Variants in NCAM2 observed in about 807,000 individuals in gnomAD.
NCAM2 encodes the protein neural cell adhesion molecule 2.
A neutral mutation model predicts 98.1 loss-of-function variants in NCAM2; 30 were observed. The ratio of observed to expected loss-of-function variants is 0.31; its 90% CI spans 0.23 to 0.41. The LOEUF is 0.41. NCAM2 is among the 10% of genes least tolerant of loss of function. The pLI, the probability that NCAM2 is intolerant of heterozygous loss-of-function variation, is 1.00. For synonymous variants in NCAM2, 368 were observed against 342.4 expected (o/e 1.07, Z -0.83); for missense variants, 867 against 1,005.8 (o/e 0.86, Z 1.87).
At chr21:21,026,315 C>T (rs2064543571) in intron 1 of NCAM2, among the ~76,000 whole-genome samples, 2 of 152,188 alleles carry the variant, frequency 1.3e-5, no homozygotes, top group South Asian at 4.1e-4. Context: ...AATGAAAAAT[C>T]TTCCAAGTCA....
At chr21:21,384,420 T>C (rs1353987552) in intron 9 of NCAM2, among the ~76,000 whole-genome samples, 1 of 151,896 alleles carries the variant, frequency 6.6e-6, no homozygotes, top group Non-Finnish European at 1.5e-5. Context: ...AGTTTCCTTT[T>C]TGATTAATCT....
intron 1 of NCAM2, among the ~76,000 whole-genome samples, chr21:21,149,749 A>G (rs8132876): frequency 0.97 from 147,686 of 152,214 alleles, 71,790 homozygotes; most frequent in East Asian, 1. Context: ...TGATCTCATT[A>G]TTTTTTATGG....
At chr21:21,120,733 T>TTC (rs2066655594) in intron 1 of NCAM2, among the ~76,000 whole-genome samples, 1 of 150,892 alleles carries the variant, frequency 6.6e-6, no homozygotes, top group South Asian at 2.1e-4. Flanking sequence ...TTTTTTTTTT[T>TTC]CTTTGAGATG....
intron 5 of NCAM2, among the ~76,000 whole-genome samples, chr21:21,321,475 A>G (rs1400355658): frequency 6.6e-6 from 1 of 152,126 alleles, no homozygotes; most frequent in East Asian, 1.9e-4. Context: ...ACTTAGCCAT[A>G]AATTCTTTGC....
rs138661379 is a variant in NCAM2 at position 21,250,057 on chromosome 21, T to A, written c.56-30521T>A. ...GCAGTAATAGGTTCGGATAGACTAA[T>A]CTGTGCCTAAGTGATAGCTAATATA... On this transcript the variant is annotated intron_variant, in intron 1 of 17. Transcript: ENST00000400546. 3.9e-5 allele frequency among the ~76,000 whole-genome samples: 6 copies of A among 152,344 alleles called. No homozygotes were observed. The East Asian group carries it at 1.2e-3, about 29-fold the overall frequency.
chr21:21,027,740 A>G (rs932981853), intron 1 of NCAM2, among the ~76,000 whole-genome samples: 3 of 152,184 alleles, frequency 2.0e-5, no homozygotes, highest in Non-Finnish European at 4.4e-5. Flanking sequence ...TTTTAATTAC[A>G]GAGCCCATTA....
chr21:21,495,487 T>C (rs1400122078), intron 15 of NCAM2, among the ~76,000 whole-genome samples: 2 of 152,052 alleles, frequency 1.3e-5, no homozygotes, highest in Non-Finnish European at 2.9e-5. Context: ...ATTGTGACGA[T>C]TCTGCTTCCC....
intron 1 of NCAM2, among the ~76,000 whole-genome samples, chr21:21,093,189 G>A (rs2066048743): frequency 6.6e-6 from 1 of 152,136 alleles, no homozygotes; most frequent in African/African-American, 2.4e-5. Context: ...CAGGAAGGCA[G>A]ACAGAGAGTC....
chr21:21,131,516 A>G (rs1974162), intron 1 of NCAM2, among the ~76,000 whole-genome samples: 147,494 of 152,184 alleles, frequency 0.97, 71,625 homozygotes, highest in East Asian at 1. Context: ...CAGGTGATCC[A>G]CCCGCCTTGG....
intron 1 of NCAM2, among the ~76,000 whole-genome samples, chr21:21,175,512 T>C (rs1163965328): frequency 1.3e-5 from 2 of 151,734 alleles, no homozygotes; most frequent in African/African-American, 4.8e-5. Context: ...CAGCCTGGGC[T>C]ACAGAGCGAG....
At chr21:21,490,481 A>G (rs1388318413) in intron 15 of NCAM2, among the ~76,000 whole-genome samples, 3 of 151,944 alleles carry the variant, frequency 2.0e-5, no homozygotes, top group African/African-American at 7.2e-5. Context: ...AGTCTTTATC[A>G]TTTCATTTTA....
chr21:21,511,653 T>G (rs1353074210), intron 16 of NCAM2, among the ~76,000 whole-genome samples: 1 of 151,980 alleles, frequency 6.6e-6, no homozygotes, highest in African/African-American at 2.4e-5. Context: ...TTTTTAGTTT[T>G]TTGAGGAAGC....
intron 1 of NCAM2, among the ~76,000 whole-genome samples, chr21:21,082,184 T>A (rs559460363): frequency 1.4e-5 from 2 of 140,392 alleles, no homozygotes; most frequent in Middle Eastern, 3.7e-3. Context: ...GCTGAGATTG[T>A]GCCAGTGCAC....
At chr21:21,158,800 AGAT>A (rs1233175520) in intron 1 of NCAM2, among the ~76,000 whole-genome samples, 4 of 152,188 alleles carry the variant, frequency 2.6e-5, no homozygotes, top group Non-Finnish European at 5.9e-5. Flanking sequence ...TAGTCTTTGA[AGAT>A]GATAATAAAT....
intron 1 of NCAM2, among the ~76,000 whole-genome samples, chr21:21,090,305 TA>T (rs1287621856): frequency 6.6e-6 from 1 of 152,224 alleles, no homozygotes; most frequent in Non-Finnish European, 1.5e-5. Flanking sequence ...AAACATTGTC[TA>T]ATTCAGCTTT....
At chr21:21,389,863 T>G (rs1347507910) in intron 9 of NCAM2, among the ~76,000 whole-genome samples, 1 of 152,188 alleles carries the variant, frequency 6.6e-6, no homozygotes, top group Admixed American at 6.5e-5. Context: ...CTATTATTAT[T>G]ATTATGAGGC....
chr21:21,157,031 C>G (rs1430486716), intron 1 of NCAM2, among the ~76,000 whole-genome samples: 1 of 150,826 alleles, frequency 6.6e-6, no homozygotes, highest in Non-Finnish European at 1.5e-5. Context: ...CATTGCAGAG[C>G]AGCAGCTGTA....
intron 9 of NCAM2, among the ~76,000 whole-genome samples, chr21:21,404,893 T>C (rs1002324509): frequency 5.3e-5 from 8 of 151,602 alleles, no homozygotes; most frequent in African/African-American, 1.9e-4. Flanking sequence ...AACTTTACAA[T>C]AGTAAAGCCT....
intron 1 of NCAM2, among the ~76,000 whole-genome samples, chr21:21,106,057 A>G (rs1334946603): frequency 1.3e-5 from 2 of 152,054 alleles, no homozygotes; most frequent in Non-Finnish European, 2.9e-5. Flanking sequence ...TGTATGTAAA[A>G]AGGCAGTATT....
Sources: allele counts gnomAD v4.1 joint callset (sites outside exome capture counted in the v4.1 genomes callset), GRCh38; gene constraint gnomAD v4.1.1; transcripts MANE v1.5; gene names NCBI Gene and HGNC (gene_info 2026-07-23, HGNC 2026-07-21).